The following ZFAT variants were observed in gnomAD, a reference collection of about 807,000 sequenced individuals.
ZFAT encodes zinc finger and AT-hook domain containing.
A neutral mutation model predicts 117.7 loss-of-function variants in ZFAT; 64 were observed. The ratio of observed to expected loss-of-function variants is 0.54; its 90% CI spans 0.44 to 0.67. The LOEUF (loss-of-function observed/expected upper bound fraction) is 0.67, where lower values mean the gene tolerates loss of function less well. ZFAT is among the 30% of genes least tolerant of loss of function. The pLI is 0.00. For synonymous variants in ZFAT, 679 were observed against 615.0 expected (o/e 1.10, Z -1.54); for missense variants, 1,433 against 1,584.5 (o/e 0.90, Z 1.62).
chr8:134,803,009 G>C, the ZFAT span, among the ~76,000 whole-genome samples: 152 of 152,294 alleles, frequency 1.0e-3, no homozygotes, highest in Non-Finnish European at 1.7e-3. Context: ...AGGGCATCCA[G>C]AATTAAAACT....
At chr8:134,706,124 A>G (rs999018299) in intron 1 of ZFAT, among the ~76,000 whole-genome samples, 8 of 152,230 alleles carry the variant, frequency 5.3e-5, no homozygotes, top group East Asian at 1.9e-4. Context: ...AAAGATAAAC[A>G]TAACTACTCT....
intron 3 of ZFAT, among the ~76,000 whole-genome samples, chr8:134,623,511 C>T (rs1829280252): frequency 6.6e-6 from 1 of 152,210 alleles, no homozygotes; most frequent in Non-Finnish European, 1.5e-5. Flanking sequence ...TGCATCTCCT[C>T]TGGGCTCTCA....
rs777144078 is a variant in ZFAT at position 134,610,455 on chromosome 8, G to A, written c.634+15C>T. On this transcript the variant is annotated intron_variant, in intron 4 of 15. Transcript: ENST00000377838. ...CAAGGGTCTTGCCTTTTCCTTTCCCGCTTGGTGCAGTCACCTGGAATTGCT... is the reference window on the plus strand; with the variant it reads ...CAAGGGTCTTGCCTTTTCCTTTCCCACTTGGTGCAGTCACCTGGAATTGCT... 8 of 1,607,384 alleles carry A rather than the reference G, an allele frequency of 5.0e-6. No homozygotes were observed. Among genetic ancestry groups the A allele is most frequent in the Middle Eastern group, 1.7e-4 (1 of 6,032 alleles).
At chr8:134,688,494 TCCAAATC>T (rs1256494667) in intron 1 of ZFAT, among the ~76,000 whole-genome samples, 2 of 151,552 alleles carry the variant, frequency 1.3e-5, no homozygotes, top group Non-Finnish European at 2.9e-5. Flanking sequence ...AAATCAGGGA[TCCAAATC>T]CCAAGAACTG....
the ZFAT span, among the ~76,000 whole-genome samples, chr8:134,762,029 A>G: frequency 2.1e-5 from 3 of 142,156 alleles, no homozygotes; most frequent in African/African-American, 8.3e-5. Flanking sequence ...TGTGCTTTCC[A>G]CAGGACCACA....
chr8:134,712,761 G>A (rs999994413), intron 1 of ZFAT, 84 bp downstream of exon 1: 3 of 1,381,136 alleles, frequency 2.2e-6, no homozygotes, highest in African/African-American at 1.5e-5. Flanking sequence ...ACTGCTTCCC[G>A]ACTCGACGCT....
In ZFAT at chr8:134,590,472, T is replaced by C. The variant is rs543096529; in HGVS notation, c.2476-117A>G. 3 of 695,236 alleles carry C rather than the reference T, an allele frequency of 4.3e-6. No homozygotes were observed. In the South Asian group the frequency reaches 5.3e-5, roughly 12 times the overall value. The allele number at this position is 695,236 out of a possible 1,614,324, so 43.1% of individuals were successfully genotyped here. On this transcript the variant is annotated intron_variant, in intron 7 of 15. Transcript: ENST00000377838. ...ACCACCACCACTACCACTCACGCTA[T>C]CAACAGTCATCACCACCACCACCAT...
intron 1 of ZFAT, among the ~76,000 whole-genome samples, chr8:134,676,079 A>G (rs1488358820): frequency 1.3e-5 from 2 of 152,166 alleles, no homozygotes; most frequent in Non-Finnish European, 2.9e-5. Flanking sequence ...GACAGGATCA[A>G]ATTCACACAT....
the ZFAT span, among the ~76,000 whole-genome samples, chr8:134,730,988 A>G: frequency 1.3e-5 from 2 of 152,240 alleles, no homozygotes; most frequent in African/African-American, 4.8e-5. Flanking sequence ...GAGGCCATGA[A>G]TGCTCTATTG....
intron 6 of ZFAT, 73 bp from the exon 7 acceptor site, chr8:134,600,741 AT>A: frequency 8.3e-7 from 1 of 1,204,702 alleles, no homozygotes; most frequent in Non-Finnish European, 1.1e-6. Context: ...AATTATTATT[AT>A]TTTTTATCTA....
chr8:134,609,163 C>CACATATACATATATATGTAT lies in ZFAT; in HGVS notation c.635-285_635-284insATACATATATATGTATATGT, dbSNP rs1828131499. ...ATTAAAAAGTACACATATACACACA[C>CACATATACATATATATGTAT]ACACATATACATATATATGTATATA... is the stretch of plus-strand genomic sequence containing the variant. On this transcript the variant is annotated intron_variant, in intron 4 of 15. Transcript: ENST00000377838. Among the ~76,000 whole-genome samples, 8 of 151,886 alleles carry CACATATACATATATATGTAT rather than the reference C, an allele frequency of 5.3e-5. No individual in the cohort carries two copies. In the South Asian group the frequency reaches 1.7e-3, roughly 32 times the overall value.
chr8:134,785,505 C>T, the ZFAT span: 4 of 152,036 alleles, frequency 2.6e-5, no homozygotes, highest in South Asian at 4.1e-4. Context: ...CCCCCTCCCC[C>T]CTCCGCCACA....
the ZFAT span, among the ~76,000 whole-genome samples, chr8:134,757,661 G>A: frequency 6.6e-6 from 1 of 152,170 alleles, no homozygotes; most frequent in Non-Finnish European, 1.5e-5. Flanking sequence ...GGAATTGAGG[G>A]CTTTTGCAGG....
At chr8:134,778,262 T>C in the ZFAT span, among the ~76,000 whole-genome samples, 1 of 152,202 alleles carries the variant, frequency 6.6e-6, no homozygotes. Context: ...TATAAATATA[T>C]GGCACCAGAT....
At chr8:134,579,192 C>T (rs2130828814) in intron 10 of ZFAT, among the ~76,000 whole-genome samples, 1 of 152,280 alleles carries the variant, frequency 6.6e-6, no homozygotes, top group East Asian at 1.9e-4. Flanking sequence ...CAGTTTCAGA[C>T]ATGGCAGTGC....
chr8:134,743,375 G>A, the ZFAT span, among the ~76,000 whole-genome samples: 7 of 152,118 alleles, frequency 4.6e-5, no homozygotes, highest in Admixed American at 3.9e-4. Flanking sequence ...TGTAATACCA[G>A]CTACTCGGGA....
intron 1 of ZFAT, 100 bp downstream of exon 1, chr8:134,712,745 C>G: frequency 1.6e-6 from 2 of 1,222,860 alleles, no homozygotes; most frequent in South Asian, 1.6e-5. Context: ...GGCCGGCGGC[C>G]GGCGCACTGC....
chr8:134,826,128 A>T, the ZFAT span, among the ~76,000 whole-genome samples: 2 of 152,192 alleles, frequency 1.3e-5, no homozygotes, highest in Non-Finnish European at 2.9e-5. Context: ...CTTGGCAATC[A>T]GTTCATTTCT....
At chr8:134,499,337 G>T (rs1818764172) in intron 15 of ZFAT, among the ~76,000 whole-genome samples, 1 of 144,746 alleles carries the variant, frequency 6.9e-6, no homozygotes, top group Admixed American at 6.8e-5. Context: ...GGTGGAGCTG[G>T]GATGCCCCAG....
Sources: allele counts gnomAD v4.1 joint callset (sites outside exome capture counted in the v4.1 genomes callset), GRCh38; gene constraint gnomAD v4.1.1; transcripts MANE v1.5; gene names NCBI Gene and HGNC (gene_info 2026-07-23, HGNC 2026-07-21).